Variants in RNF111 observed in about 807,000 individuals in gnomAD.
RNF111 encodes the protein E3 ubiquitin-protein ligase Arkadia.
RNF111 carries 17 observed loss-of-function variants against 95.1 expected under a neutral mutation model. The ratio of observed to expected loss-of-function variants is 0.18; its 90% confidence interval spans 0.12 to 0.27. The LOEUF is 0.27. RNF111 is among the 10% of genes least tolerant of loss of function. The pLI is 1.00. For missense variants in RNF111, 1,189 were observed against 1,210.4 expected (o/e 0.98, Z 0.26); for synonymous variants, 440 against 414.8 (o/e 1.06, Z -0.74).
At chr15:59,064,575 T>C (rs1435934182) in intron 5 of RNF111, among the ~76,000 whole-genome samples, 1 of 151,564 alleles carries the variant, frequency 6.6e-6, no homozygotes, top group African/African-American at 2.4e-5. Flanking sequence ...GTCGACTTTG[T>C]TTTTTTGTTA....
chr15:59,042,384 A>C (rs1367248821), intron 2 of RNF111, among the ~76,000 whole-genome samples: 2 of 152,078 alleles, frequency 1.3e-5, no homozygotes, highest in Non-Finnish European at 2.9e-5. Context: ...GCTCGGCCTC[A>C]CAAGGTGCTG....
intron 1 of RNF111, among the ~76,000 whole-genome samples, chr15:58,989,890 T>C (rs1443294668): frequency 1.3e-5 from 2 of 152,028 alleles, no homozygotes; most frequent in Non-Finnish European, 2.9e-5. Context: ...TTTTTTGTTA[T>C]AGTTTAAAGA....
intron 2 of RNF111, among the ~76,000 whole-genome samples, chr15:59,035,090 T>G (rs538012113): frequency 3.0e-4 from 45 of 152,288 alleles, no homozygotes; most frequent in Admixed American, 1.4e-3. Flanking sequence ...AGAGAGATTG[T>G]GCAGGGGAAC....
At chr15:59,002,924 T>G (rs1752614178) in intron 1 of RNF111, among the ~76,000 whole-genome samples, 2 of 152,202 alleles carry the variant, frequency 1.3e-5, no homozygotes, top group Non-Finnish European at 2.9e-5. Context: ...TCATGATTCA[T>G]GTCTTTAGCT....
intron 6 of RNF111, among the ~76,000 whole-genome samples, chr15:59,067,559 C>T (rs977377757): frequency 6.6e-6 from 1 of 152,118 alleles, no homozygotes; most frequent in African/African-American, 2.4e-5. Context: ...TCTGTAGTTT[C>T]TTTTTAATTA....
At position 59,051,002 on chromosome 15, in the gene RNF111, A is replaced by G. The variant is rs536568159; in HGVS notation, c.881-1303A>G. 1.2e-4 allele frequency among the ~76,000 whole-genome samples: 19 copies of G among 152,332 alleles called. No individual in the cohort carries two copies. In the South Asian group the frequency reaches 3.7e-3, roughly 30 times the overall value. The stretch of plus-strand genomic sequence containing the variant: ...AGACAGAGCAGGATTCTATTTATAT[A>G]ATCTTATCTAATGTCATAACAAAAA... On this transcript the variant is annotated intron_variant, in intron 2 of 13. Transcript: ENST00000348370.
intron 4 of RNF111, among the ~76,000 whole-genome samples, chr15:59,057,220 T>G (rs1452327204): frequency 6.6e-6 from 1 of 152,128 alleles, no homozygotes. Context: ...GCACATCTCC[T>G]CCCCAGCGAA....
At chr15:59,055,982 G>T in intron 4 of RNF111, 137 bp downstream of exon 4, 1 of 643,088 alleles carries the variant, frequency 1.6e-6, no homozygotes, top group South Asian at 3.4e-5. Context: ...TTTTAATCTC[G>T]TTTTTAATTG....
intron 1 of RNF111, among the ~76,000 whole-genome samples, chr15:59,014,902 G>A (rs371802734): frequency 6.6e-6 from 1 of 151,912 alleles, no homozygotes; most frequent in Non-Finnish European, 1.5e-5. Context: ...ACATGTGTGC[G>A]CCACCACTCT....
intron 1 of RNF111, among the ~76,000 whole-genome samples, chr15:59,006,867 A>G (rs1303172586): frequency 2.0e-5 from 3 of 151,990 alleles, no homozygotes; most frequent in Non-Finnish European, 4.4e-5. Flanking sequence ...GCTCACTGCA[A>G]CCTCCGCCTC....
chr15:59,047,129 T>C (rs2041750940), intron 2 of RNF111, among the ~76,000 whole-genome samples: 1 of 152,108 alleles, frequency 6.6e-6, no homozygotes, highest in Non-Finnish European at 1.5e-5. Context: ...GGCCAGGAAT[T>C]CTTATAATTC....
At chr15:59,060,721 A>G (rs1304176959) in intron 5 of RNF111, among the ~76,000 whole-genome samples, 1 of 152,160 alleles carries the variant, frequency 6.6e-6, no homozygotes, top group Non-Finnish European at 1.5e-5. Flanking sequence ...CAAAACTGTA[A>G]TAATTTTTGA....
rs199902179 is a variant in RNF111 at position 59,076,111 on chromosome 15, T to C, written c.1844T>C (p.Leu615Ser). The part of the protein sequence containing the change: ...QAAAAAPSQP[L>S]SSIDGYGSSM... Reference sequence around the variant, plus strand: ...GCTGCTGCTGCCCCAAGTCAACCTTTATCATCAATAGATGGCTATGGATCA... The same window carrying C: ...GCTGCTGCTGCCCCAAGTCAACCTTCATCATCAATAGATGGCTATGGATCA... Residue 615 changes from leucine (L) to serine (S), a missense_variant, in exon 7 of 14, where the codon TTA becomes TCA. By Grantham distance (145) the Leu-to-Ser change is moderately radical. Coordinates refer to ENST00000348370, the MANE Select transcript of RNF111 (RefSeq NM_017610.8). The C allele has an allele frequency of 6.2e-7, 1 of 1,614,188 alleles. No individual in the cohort carries two copies. Among genetic ancestry groups the C allele is most frequent in the Non-Finnish European group, 8.5e-7 (1 of 1,180,046 alleles).
intron 9 of RNF111, among the ~76,000 whole-genome samples, chr15:59,084,912 C>T (rs570487095): frequency 4.6e-5 from 7 of 152,274 alleles, no homozygotes; most frequent in South Asian, 2.1e-4. Context: ...TTGACTCCCT[C>T]GACTGATCTT....
intron 2 of RNF111, among the ~76,000 whole-genome samples, chr15:59,042,261 G>A (rs1289949203): frequency 6.6e-6 from 1 of 151,788 alleles, no homozygotes; most frequent in African/African-American, 2.4e-5. Context: ...TGAGTAGCTG[G>A]GACCACAAGT....
chr15:59,006,393 A>T (rs556902884), intron 1 of RNF111, among the ~76,000 whole-genome samples: 3 of 152,134 alleles, frequency 2.0e-5, no homozygotes, highest in Non-Finnish European at 1.5e-5. Flanking sequence ...GCAACTACTC[A>T]TCTGATTTTT....
chr15:58,992,791 G>T (rs1281822159), intron 1 of RNF111, among the ~76,000 whole-genome samples: 2 of 152,156 alleles, frequency 1.3e-5, no homozygotes, highest in African/African-American at 4.8e-5. Flanking sequence ...CTGCATTCCA[G>T]CCTCGGTGAC....
rs1320637763 is a variant in RNF111 at position 59,096,511 on chromosome 15, T to C, written c.*1611T>C. ...TTCAACAATAGTGATCTCACTCAAA[T>C]TGACATTTGCATAATTTGACATTTA... On this transcript the variant is annotated 3_prime_UTR_variant, in exon 14 of 14. Transcript: ENST00000348370. The C allele has an allele frequency of 1.3e-5, 2 of 155,822 alleles. No individual in the cohort carries two copies. 9.7% of individuals were successfully genotyped at this position (155,822 alleles called of 1,614,324 possible).
intron 1 of RNF111, among the ~76,000 whole-genome samples, chr15:59,004,842 C>T (rs1383627872): frequency 6.6e-6 from 1 of 152,082 alleles, no homozygotes; most frequent in African/African-American, 2.4e-5. Context: ...GTGTATATGG[C>T]CTATAATATG....
Sources: allele counts gnomAD v4.1 joint callset (sites outside exome capture counted in the v4.1 genomes callset), GRCh38; gene constraint gnomAD v4.1.1; transcripts MANE v1.5; gene names NCBI Gene and HGNC (gene_info 2026-07-23, HGNC 2026-07-21).